The following DCDC1 variants were observed in gnomAD, a reference collection of about 807,000 sequenced individuals.
DCDC1 encodes doublecortin domain-containing protein 1.
DCDC1 carries 200 observed loss-of-function variants against 178.3 expected under a neutral mutation model. That is an observed-to-expected ratio of 1.12 (90% CI 1.00 to 1.26). The LOEUF is 1.26. DCDC1 is among the 50% of genes most tolerant of loss of function. The pLI, the probability that DCDC1 is intolerant of heterozygous loss-of-function variation, is 0.00. For synonymous variants in DCDC1, 690 were observed against 604.8 expected (o/e 1.14, Z -2.07); for missense variants, 1,983 against 1,749.2 (o/e 1.13, Z -2.38).
intron 9 of DCDC1, among the ~76,000 whole-genome samples, chr11:31,166,462 A>C (rs1456977354): frequency 6.6e-6 from 1 of 152,218 alleles, no homozygotes; most frequent in African/African-American, 2.4e-5. Flanking sequence ...AAAAATAAAA[A>C]TATTTACAAG....
chr11:31,303,738 C>T (rs1591702222), intron 6 of DCDC1, among the ~76,000 whole-genome samples: 1 of 152,110 alleles, frequency 6.6e-6, no homozygotes, highest in South Asian at 2.1e-4. Context: ...CCCCATTATA[C>T]TTATCCTAAC....
chr11:30,978,890 G>A (rs1374926450), intron 20 of DCDC1, among the ~76,000 whole-genome samples: 2 of 150,432 alleles, frequency 1.3e-5, no homozygotes, highest in African/African-American at 2.5e-5. Context: ...AACTCTTTTA[G>A]CTCCCATATA....
intron 3 of DCDC1, among the ~76,000 whole-genome samples, chr11:31,323,653 T>G (rs1441732864): frequency 6.6e-6 from 1 of 152,088 alleles, no homozygotes; most frequent in African/African-American, 2.4e-5. Flanking sequence ...AGTACCATTT[T>G]AATGGTAATT....
intron 20 of DCDC1, among the ~76,000 whole-genome samples, chr11:31,049,787 G>A (rs1182104366): frequency 6.6e-6 from 1 of 152,140 alleles, no homozygotes; most frequent in African/African-American, 2.4e-5. Flanking sequence ...ACTTTACTTG[G>A]AGCTGAGTCA....
intron 9 of DCDC1, among the ~76,000 whole-genome samples, chr11:31,143,083 T>C (rs1387177162): frequency 6.6e-6 from 1 of 151,916 alleles, no homozygotes; most frequent in Non-Finnish European, 1.5e-5. Context: ...AAGGAGACAA[T>C]TAAAAAACAA....
intron 1 of DCDC1, among the ~76,000 whole-genome samples, chr11:31,362,061 C>T (rs925393115): frequency 6.6e-6 from 1 of 152,228 alleles, no homozygotes; most frequent in African/African-American, 2.4e-5. Flanking sequence ...TAGCCTAACG[C>T]TAAACTATGA....
At chr11:30,883,767 C>T (rs1221829551) in intron 36 of DCDC1, among the ~76,000 whole-genome samples, 3 of 151,974 alleles carry the variant, frequency 2.0e-5, no homozygotes, top group African/African-American at 7.2e-5. Flanking sequence ...TGATGTCCTC[C>T]AGTATACAAA....
intron 9 of DCDC1, among the ~76,000 whole-genome samples, chr11:31,181,022 G>T (rs1211211398): frequency 6.6e-6 from 1 of 152,106 alleles, no homozygotes; most frequent in African/African-American, 2.4e-5. Context: ...GCTCAAGCTT[G>T]GTGGGGTGAG....
intron 24 of DCDC1, among the ~76,000 whole-genome samples, chr11:30,921,717 GT>G (rs1714074656): frequency 6.6e-6 from 1 of 152,142 alleles, no homozygotes; most frequent in Non-Finnish European, 1.5e-5. Context: ...TTCACTTTGG[GT>G]ATCTTAGTTA....
intron 7 of DCDC1, among the ~76,000 whole-genome samples, chr11:31,280,011 T>TA (rs954824563): frequency 2.0e-5 from 3 of 152,160 alleles, no homozygotes; most frequent in Admixed American, 2.0e-4. Context: ...AATTTAAACA[T>TA]AAAAAAACTT....
At chr11:31,014,129 G>A (rs1952337878) in intron 20 of DCDC1, among the ~76,000 whole-genome samples, 1 of 152,210 alleles carries the variant, frequency 6.6e-6, no homozygotes, top group African/African-American at 2.4e-5. Context: ...GGTCATAAGG[G>A]TGGGATAATA....
At chr11:31,323,716 A>T (rs916230045) in intron 3 of DCDC1, among the ~76,000 whole-genome samples, 8 of 152,150 alleles carry the variant, frequency 5.3e-5, no homozygotes, top group Non-Finnish European at 1.2e-4. Context: ...AAGGGAAATG[A>T]CCATAAGTAT....
intron 20 of DCDC1, among the ~76,000 whole-genome samples, chr11:31,032,508 T>C (rs1011841952): frequency 9.9e-5 from 15 of 151,714 alleles, no homozygotes; most frequent in Non-Finnish European, 1.5e-4. Context: ...ATGCCTCAGA[T>C]ACATAATTGT....
intron 20 of DCDC1, among the ~76,000 whole-genome samples, chr11:31,037,256 T>C (rs1362937676): frequency 6.6e-6 from 1 of 152,152 alleles, no homozygotes; most frequent in Admixed American, 6.5e-5. Context: ...TAAAAGCCAA[T>C]TGGTTTTCTA....
intron 20 of DCDC1, among the ~76,000 whole-genome samples, chr11:31,031,478 T>A (rs1590817184): frequency 6.6e-6 from 1 of 152,270 alleles, no homozygotes; most frequent in Middle Eastern, 3.4e-3. Context: ...ACTTCAATTT[T>A]TAAAGCTTTT....
chr11:31,226,431 C>T (rs1974956217), intron 9 of DCDC1, among the ~76,000 whole-genome samples: 1 of 151,222 alleles, frequency 6.6e-6, no homozygotes, highest in African/African-American at 2.4e-5. Context: ...CCAAAAAATT[C>T]AACAAACTGT....
At chr11:31,234,692 G>A (rs771670443) in intron 9 of DCDC1, among the ~76,000 whole-genome samples, 16 of 152,104 alleles carry the variant, frequency 1.1e-4, no homozygotes, top group Non-Finnish European at 1.8e-4. Context: ...ACCTCTCAGT[G>A]AGCATTATTG....
intron 31 of DCDC1, 175 bp downstream of exon 31, chr11:30,904,786 A>G: frequency 1.4e-6 from 1 of 721,446 alleles, no homozygotes; most frequent in Non-Finnish European, 2.3e-6. Flanking sequence ...GTATCCACTG[A>G]CATACAATCA....
intron 9 of DCDC1, among the ~76,000 whole-genome samples, chr11:31,210,973 T>A (rs1972461180): frequency 6.6e-6 from 1 of 152,206 alleles, no homozygotes; most frequent in Non-Finnish European, 1.5e-5. Context: ...ATTCTTTTTC[T>A]ATCTAGGCAA....
Sources: gnomAD v4.1 joint callset for allele counts (sites outside exome capture counted in the v4.1 genomes callset) on GRCh38, gnomAD v4.1.1 for gene constraint, MANE v1.5 for transcripts, NCBI Gene and HGNC (gene_info 2026-07-23, HGNC 2026-07-21) for gene names.